The following EFCAB5 variants were observed in gnomAD, a reference collection of about 807,000 sequenced individuals.
The protein encoded by EFCAB5 is EF-hand calcium-binding domain-containing protein 5.
A neutral mutation model predicts 167.9 loss-of-function variants in EFCAB5; 131 were observed. The ratio of observed to expected loss-of-function variants is 0.78; its 90% CI spans 0.68 to 0.90. The LOEUF (loss-of-function observed/expected upper bound fraction) is 0.90. EFCAB5 is among the 40% of genes least tolerant of loss of function. The pLI, the probability that EFCAB5 is intolerant of heterozygous loss-of-function variation, is 0.00. For missense variants in EFCAB5, 1,663 were observed against 1,745.2 expected (o/e 0.95, Z 0.84); for synonymous variants, 574 against 602.8 (o/e 0.95, Z 0.70).
At chr17:29,941,599 T>G (rs183089637), upstream of EFCAB5, 10 of 504,930 alleles carry the variant, frequency 2.0e-5, no homozygotes, top group African/African-American at 7.8e-5. Context: ...GTCATAACAG[T>G]AATACAGTTG....
chr17:30,065,956 A>G (rs2070557138), intron 14 of EFCAB5, among the ~76,000 whole-genome samples: 1 of 152,234 alleles, frequency 6.6e-6, no homozygotes, highest in African/African-American at 2.4e-5. Flanking sequence ...TATAAAGCAA[A>G]TATTGTTAGA....
At chr17:29,955,898 G>C (rs1344841173) in intron 3 of EFCAB5, among the ~76,000 whole-genome samples, 1 of 152,152 alleles carries the variant, frequency 6.6e-6, no homozygotes, top group Non-Finnish European at 1.5e-5. Context: ...GAGGTATCAT[G>C]CTACCTGAGT....
chr17:29,984,993 T>C (rs1274086867), intron 4 of EFCAB5, among the ~76,000 whole-genome samples: 1 of 152,246 alleles, frequency 6.6e-6, no homozygotes. Flanking sequence ...CAGATTGTCT[T>C]AGTCTTTCTT....
At chr17:30,008,105 A>T (rs1297358486) in intron 7 of EFCAB5, among the ~76,000 whole-genome samples, 1 of 152,246 alleles carries the variant, frequency 6.6e-6, no homozygotes, top group Non-Finnish European at 1.5e-5. Flanking sequence ...GATTAAAAAA[A>T]TAAAAGCTGT....
intron 7 of EFCAB5, among the ~76,000 whole-genome samples, chr17:30,009,198 A>C (rs555829083): frequency 6.6e-6 from 1 of 152,350 alleles, no homozygotes; most frequent in East Asian, 1.9e-4. Context: ...AAGCATTTAC[A>C]GATCCAGGGA....
chr17:30,008,672 A>G (rs1042446870), intron 7 of EFCAB5, among the ~76,000 whole-genome samples: 11 of 152,124 alleles, frequency 7.2e-5, no homozygotes, highest in African/African-American at 2.7e-4. Flanking sequence ...AGTTTATAGC[A>G]CATTGTAATA....
chr17:29,952,056 G>T (rs2067523969), intron 3 of EFCAB5, among the ~76,000 whole-genome samples: 1 of 152,174 alleles, frequency 6.6e-6, no homozygotes, highest in Non-Finnish European at 1.5e-5. Context: ...AGGCTGGGAA[G>T]TCCAAGATCA....
chr17:30,067,731 A>G (rs1263963161), intron 14 of EFCAB5, among the ~76,000 whole-genome samples: 2 of 152,216 alleles, frequency 1.3e-5, no homozygotes, highest in African/African-American at 4.8e-5. Context: ...ATCATACTAA[A>G]TGGGCAAAAG....
intron 22 of EFCAB5, among the ~76,000 whole-genome samples, chr17:30,098,518 C>T (rs1029358727): frequency 2.0e-5 from 3 of 149,184 alleles, no homozygotes; most frequent in Non-Finnish European, 3.0e-5. Context: ...GGCCACAGAA[C>T]GAGACCCTGT....
chr17:30,076,055 G>A (rs1478952404), intron 14 of EFCAB5, among the ~76,000 whole-genome samples: 1 of 152,112 alleles, frequency 6.6e-6, no homozygotes, highest in Non-Finnish European at 1.5e-5. Context: ...GAAAAAGTCC[G>A]GTACTAGTTT....
At chr17:30,037,933 G>T (rs970902246) in intron 8 of EFCAB5, among the ~76,000 whole-genome samples, 1 of 152,152 alleles carries the variant, frequency 6.6e-6, no homozygotes. Context: ...ACCCTAGAAA[G>T]GGTTATTAAT....
At position 30,080,847 on chromosome 17, in the gene EFCAB5, G is replaced by T; in HGVS notation, c.3292G>T (p.Asp1098Tyr). 7 of 1,613,844 alleles carry T rather than the reference G, an allele frequency of 4.3e-6. No individual in the cohort carries two copies. Among genetic ancestry groups the T allele is most frequent in the Non-Finnish European group, 5.9e-6 (7 of 1,179,836 alleles). ...CTGGAACCAGTCCCGTAATAAGCAT[G>T]ATTATAATGGTTCATTCCTGGCTCT... ...FFWNQSRNKH[D>Y]YNGSFLALPL... The change falls in exon 17 of 23, where the codon GAT becomes TAT. Residue 1098 changes from aspartate to tyrosine, a missense_variant. Coordinates refer to ENST00000394835, the MANE Select transcript of EFCAB5 (RefSeq NM_198529.4).
At chr17:30,094,729 C>T (rs935173487) in intron 22 of EFCAB5, among the ~76,000 whole-genome samples, 2 of 152,054 alleles carry the variant, frequency 1.3e-5, no homozygotes, top group African/African-American at 4.8e-5. Flanking sequence ...TCTGATGAAA[C>T]TCTAGGCAGC....
intron 7 of EFCAB5, among the ~76,000 whole-genome samples, chr17:30,004,115 C>T (rs1466329024): frequency 1.3e-5 from 2 of 152,220 alleles, no homozygotes; most frequent in Admixed American, 6.5e-5. Flanking sequence ...CTGGCTTCTC[C>T]CCTCTCATAA....
intron 1 of EFCAB5, among the ~76,000 whole-genome samples, chr17:29,930,448 C>A (rs984319146): frequency 2.0e-5 from 3 of 152,210 alleles, no homozygotes; most frequent in Admixed American, 1.3e-4. Flanking sequence ...AGGGAGCCAG[C>A]CCGGTGAGGG....
At chr17:30,062,927 C>A (rs1232412920) in intron 14 of EFCAB5, among the ~76,000 whole-genome samples, 1 of 152,158 alleles carries the variant, frequency 6.6e-6, no homozygotes, top group African/African-American at 2.4e-5. Flanking sequence ...GAAATGGTGC[C>A]TTGGCCACTC....
chr17:30,092,773 T>C (rs951615126), intron 21 of EFCAB5, 67 bp from the exon 22 acceptor site: 3 of 1,086,966 alleles, frequency 2.8e-6, no homozygotes, highest in Non-Finnish European at 4.1e-6. Flanking sequence ...ATGTAAGCTG[T>C]TGAACTGGGC....
At chr17:30,009,632 A>G (rs2068848827) in intron 7 of EFCAB5, among the ~76,000 whole-genome samples, 1 of 152,014 alleles carries the variant, frequency 6.6e-6, no homozygotes, top group Admixed American at 6.6e-5. Context: ...TTATCCACTC[A>G]TCAGTTGGTG....
chr17:30,049,596 A>G (rs541419942), intron 8 of EFCAB5, among the ~76,000 whole-genome samples: 1 of 152,338 alleles, frequency 6.6e-6, no homozygotes, highest in East Asian at 1.9e-4. Context: ...GGAAAAACCC[A>G]TACATATAAT....
Sources: allele counts gnomAD v4.1 joint callset (sites outside exome capture counted in the v4.1 genomes callset), GRCh38; gene constraint gnomAD v4.1.1; transcripts MANE v1.5; gene names NCBI Gene and HGNC (gene_info 2026-07-23, HGNC 2026-07-21).